CHST4: variants seen among roughly 807,000 people sequenced by gnomAD.
CHST4 encodes the protein carbohydrate sulfotransferase 4.
For missense variants in CHST4, 466 were observed against 506.0 expected (o/e 0.92, Z 0.76); for synonymous variants, 171 against 195.5 (o/e 0.87, Z 1.05).
chr16:71,535,291 G>C (rs550306995), intron 1 of CHST4, among the ~76,000 whole-genome samples: 34 of 152,120 alleles, frequency 2.2e-4, no homozygotes, highest in Non-Finnish European at 4.3e-4. Flanking sequence ...CCCTGCCTCA[G>C]CCTCCCAAGT....
At position 71,537,227 on chromosome 16, in the gene CHST4, C is replaced by T; in HGVS notation, c.550C>T (p.Leu184=). 1.2e-6 allele frequency: 2 copies of T among 1,614,220 alleles called. No individual in the cohort carries two copies. The highest frequency in any genetic ancestry group is 1.7e-6 in the Non-Finnish European group (2 of 1,180,038). ...VVLKEVRFFN[L]QSLYPLLKDP... is the part of the protein sequence containing the mutation. ...GCTCAAGGAGGTGCGCTTCTTCAAC[C>T]TGCAGTCCCTCTACCCGCTGCTGAA... Residue 184 remains leucine, a synonymous_variant, in exon 2 of 2, where the codon CTG becomes TTG. Coordinates refer to ENST00000539698, the MANE Select transcript of CHST4 (RefSeq NM_001166395.2). This position sits in a 1 kb window ranked among gnomAD's most constrained non-coding sequence, Gnocchi z 4.2.
intron 1 of CHST4, among the ~76,000 whole-genome samples, chr16:71,532,962 A>T (rs2043959071): frequency 6.6e-6 from 1 of 152,236 alleles, no homozygotes; most frequent in African/African-American, 2.4e-5. Flanking sequence ...ACTGCCCTGG[A>T]ATGCTCCCTA....
At chr16:71,535,968 C>T (rs913024179) in intron 1 of CHST4, among the ~76,000 whole-genome samples, 5 of 152,164 alleles carry the variant, frequency 3.3e-5, no homozygotes, top group Admixed American at 1.3e-4. Context: ...TCACTCTACA[C>T]TGATGGCAAA....
At chr16:71,535,138 A>G (rs1275822639) in intron 1 of CHST4, among the ~76,000 whole-genome samples, 1 of 152,162 alleles carries the variant, frequency 6.6e-6, no homozygotes, top group African/African-American at 2.4e-5. Flanking sequence ...CTGGAAAACC[A>G]TCTTAATATA....
chr16:71,528,770 T>TC (rs1041352650), intron 1 of CHST4, among the ~76,000 whole-genome samples: 6 of 151,600 alleles, frequency 4.0e-5, no homozygotes, highest in Admixed American at 3.9e-4. Flanking sequence ...CTGGTTTTTT[T>TC]CCCCCTCAGA....
At chr16:71,533,611 T>C (rs1463707678) in intron 1 of CHST4, among the ~76,000 whole-genome samples, 1 of 152,018 alleles carries the variant, frequency 6.6e-6, no homozygotes, top group Non-Finnish European at 1.5e-5. Context: ...GCTAGTAAAA[T>C]TCTTAGGTTT....
In CHST4 at chr16:71,536,822, T is replaced by C; in HGVS notation, c.145T>C (p.Ser49Pro). ...CGAGCGCATGCACGTGCTGGTTCTGTCTTCCTGGCGCTCTGGCTCTTCTTT... is the reference window on the plus strand; with the variant it reads ...CGAGCGCATGCACGTGCTGGTTCTGCCTTCCTGGCGCTCTGGCTCTTCTTT... ...QPERMHVLVLSSWRSGSSFVG... is the reference protein window; with the variant it reads ...QPERMHVLVLPSWRSGSSFVG... Residue 49 changes from serine (S) to proline (P), a missense_variant, in exon 2 of 2, where the codon TCT (serine) becomes CCT (proline). Ser to Pro is a moderately conservative substitution (Grantham distance 74). Transcript: ENST00000539698. 4.6e-6 allele frequency: 7 copies of C among 1,537,398 alleles called. No homozygotes were observed. Among genetic ancestry groups the C allele is most frequent in the Non-Finnish European group, 6.1e-6 (7 of 1,142,868 alleles).
At position 71,537,910 on chromosome 16, in the gene CHST4, C is replaced by A. The variant is rs528866075; in HGVS notation, c.*72C>A. On this transcript the variant is annotated 3_prime_UTR_variant, in exon 2 of 2. Coordinates refer to ENST00000539698, the MANE Select transcript of CHST4 (RefSeq NM_001166395.2). The surrounding 1 kb of genome is among the most constrained non-coding windows in gnomAD (Gnocchi z 4.2). ...TTTCTCTGAATGCTTCTGAGCCTTGCCTACATCTCTGAGCCTTAACTACAT... is the reference window on the plus strand; with the variant it reads ...TTTCTCTGAATGCTTCTGAGCCTTGACTACATCTCTGAGCCTTAACTACAT... The A allele has an allele frequency of 8.1e-5, 112 of 1,387,458 alleles. 1 individual carries two copies. The African/African-American group carries it at 1.5e-3, about 19-fold the overall frequency. The allele number at this position is 1,387,458 out of a possible 1,614,324, so 85.9% of individuals were successfully genotyped here.
intron 1 of CHST4, among the ~76,000 whole-genome samples, chr16:71,534,109 G>C (rs1302312935): frequency 6.6e-6 from 1 of 151,876 alleles, no homozygotes; most frequent in African/African-American, 2.4e-5. Context: ...TGTCAGGCTG[G>C]CTGCAGGCTG....
At chr16:71,528,162 A>G (rs2145200617) in intron 1 of CHST4, among the ~76,000 whole-genome samples, 1 of 151,322 alleles carries the variant, frequency 6.6e-6, no homozygotes, top group East Asian at 2.0e-4. Flanking sequence ...AGGCAGGAGA[A>G]GCGCTTGAAC....
In CHST4 at chr16:71,530,536, C is replaced by A. The variant is rs1014817516; in HGVS notation, c.-19+4041C>A. Among the ~76,000 whole-genome samples, 3 of 150,508 alleles carry A rather than the reference C, an allele frequency of 2.0e-5. No individual in the cohort carries two copies. The South Asian group carries it at 6.4e-4, about 32-fold the overall frequency. Reference sequence around the variant, plus strand: ...ATCCCAGCACTTTGGGAGGCCAAGGCTGGAAGGTGGCTTGAGGTCAGGAGT... The same window carrying A: ...ATCCCAGCACTTTGGGAGGCCAAGGATGGAAGGTGGCTTGAGGTCAGGAGT... On this transcript the variant is annotated intron_variant, in intron 1 of 1. Coordinates refer to ENST00000539698, the MANE Select transcript of CHST4 (RefSeq NM_001166395.2).
intron 1 of CHST4, among the ~76,000 whole-genome samples, chr16:71,527,593 C>CA (rs1386116760): frequency 1.3e-5 from 2 of 151,544 alleles, no homozygotes; most frequent in East Asian, 2.0e-4. Flanking sequence ...CTAAAAATAC[C>CA]AAAAAAATTA....
intron 1 of CHST4, among the ~76,000 whole-genome samples, chr16:71,533,921 A>G (rs1410163143): frequency 6.6e-6 from 1 of 152,004 alleles, no homozygotes; most frequent in Non-Finnish European, 1.5e-5. Flanking sequence ...ACGTGCCTAT[A>G]GTCCCAGCTA....
rs2043990105 is a variant in CHST4 at position 71,536,643 on chromosome 16, CTGTT to C, written c.-18-12_-18-9del. 7.2e-7 allele frequency: 1 copy of C among 1,384,620 alleles called. No homozygotes were observed. Among genetic ancestry groups the C allele is most frequent in the East Asian group, 2.5e-5 (1 of 39,318 alleles). 85.8% of individuals were successfully genotyped at this position (1,384,620 alleles called of 1,614,324 possible). A position where few individuals can be genotyped will look rare whatever the true frequency, so the allele number is the denominator to read the frequency against. ...AAACAGCAGCCCAACTCCACCCTTT[CTGTT>C]TGTTCCTTAAAGGTCTTCCACTTCA... is the stretch of plus-strand genomic sequence containing the variant. On this transcript the variant is annotated splice_polypyrimidine_tract_variant and intron_variant, in intron 1 of 1. Coordinates refer to ENST00000539698, the MANE Select transcript of CHST4 (RefSeq NM_001166395.2).
chr16:71,530,508 G>A (rs2043940232), intron 1 of CHST4, among the ~76,000 whole-genome samples: 1 of 152,162 alleles, frequency 6.6e-6, no homozygotes, highest in South Asian at 2.1e-4. Flanking sequence ...GCTCACACCT[G>A]TAATCCCAGC....
chr16:71,537,908 T>G lies in CHST4; in HGVS notation c.*70T>G. On this transcript the variant is annotated 3_prime_UTR_variant, in exon 2 of 2. Coordinates refer to ENST00000539698, the MANE Select transcript of CHST4 (RefSeq NM_001166395.2). The surrounding 1 kb of genome is among the most constrained non-coding windows in gnomAD (Gnocchi z 4.2). ...ACTTTCTCTGAATGCTTCTGAGCCT[T>G]GCCTACATCTCTGAGCCTTAACTAC... is the stretch of plus-strand genomic sequence containing the variant. 7.2e-7 allele frequency: 1 copy of G among 1,392,766 alleles called. No individual in the cohort carries two copies. Among genetic ancestry groups the G allele is most frequent in the East Asian group, 2.3e-5 (1 of 43,582 alleles). 86.3% of individuals were successfully genotyped at this position (1,392,766 alleles called of 1,614,324 possible).
chr16:71,538,490 T>C lies in CHST4; in HGVS notation c.*652T>C, dbSNP rs1418594438. ...CTTTGACCTGTGAAGCTGCCATCTG[T>C]TAATACTAAAATTCCCAAATAAGGT... is the stretch of plus-strand genomic sequence containing the variant. On this transcript the variant is annotated 3_prime_UTR_variant, in exon 2 of 2. Coordinates refer to ENST00000539698, the MANE Select transcript of CHST4 (RefSeq NM_001166395.2). The C allele has an allele frequency of 6.0e-6, 1 of 167,144 alleles. No homozygotes were observed. Among genetic ancestry groups the C allele is most frequent in the Non-Finnish European group, 1.5e-5 (1 of 68,140 alleles). The allele number at this position is 167,144 out of a possible 1,614,324, so 10.4% of individuals were successfully genotyped here. A position where few individuals can be genotyped will look rare whatever the true frequency, so the allele number is the denominator to read the frequency against.
At chr16:71,534,454 T>G (rs1362236672) in intron 1 of CHST4, among the ~76,000 whole-genome samples, 1 of 151,402 alleles carries the variant, frequency 6.6e-6, no homozygotes, top group African/African-American at 2.4e-5. Context: ...GCCTTTCTGA[T>G]TCAAGTGATT....
Position 71,537,274 on chromosome 16 carries a change from T to C in CHST4, c.597T>C (p.His199=). 2 of 1,614,084 alleles carry C rather than the reference T, an allele frequency of 1.2e-6. No homozygotes were observed. Among genetic ancestry groups the C allele is most frequent in the East Asian group, 2.2e-5 (1 of 44,870 alleles). The change falls in exon 2 of 2, where the codon CAT becomes CAC. Residue 199 remains histidine, a synonymous_variant. Transcript: ENST00000539698. The surrounding 1 kb of genome is among the most constrained non-coding windows in gnomAD (Gnocchi z 4.2). ...PLLKDPSLNL[H]IVHLVRDPRA... ...TGAAAGACCCCTCCCTCAACCTGCA[T>C]ATCGTGCACCTGGTCCGGGACCCCC...
Sources: gnomAD v4.1 joint callset for allele counts (sites outside exome capture counted in the v4.1 genomes callset) on GRCh38, gnomAD v4.1.1 for gene constraint, Gnocchi (gnomAD v3.1) non-coding constraint, MANE v1.5 for transcripts, NCBI Gene and HGNC (gene_info 2026-07-23, HGNC 2026-07-21) for gene names.